Variants in ATRN observed in about 807,000 individuals in gnomAD.
ATRN encodes attractin.
ATRN carries 54 observed loss-of-function variants against 178.7 expected under a neutral mutation model. That is an observed-to-expected ratio of 0.30 (90% CI 0.24 to 0.38). The LOEUF is 0.38. Ranked by LOEUF, ATRN falls within the 10% of genes least tolerant of loss-of-function variation. The probability of loss-of-function intolerance (pLI) is 1.00; values close to 1 mark genes in which losing one functional copy is unlikely to be tolerated. For missense variants in ATRN, 1,443 were observed against 1,815.1 expected, an observed-to-expected ratio of 0.79 and a Z score of 3.73; for synonymous variants, 636 against 663.0, an observed-to-expected ratio of 0.96 and a Z score of 0.63.
chr20:3,543,356 A>G (rs1376927427), intron 3 of ATRN, among the ~76,000 whole-genome samples: 1 of 152,242 alleles, frequency 6.6e-6, no homozygotes, highest in Non-Finnish European at 1.5e-5. Flanking sequence ...AATACATAGT[A>G]GAAAATGCAT....
chr20:3,563,214 T>C lies in ATRN; in HGVS notation c.1637T>C (p.Ile546Thr). Reference protein sequence around the residue: ...RYDVDTQMWTILKDSRFFRYL... With the variant: ...RYDVDTQMWTTLKDSRFFRYL... ...TTTCTAAATAAACTCAAAAGGACCA[T>C]TCTTAAGGACAGCCGATTTTTCCGT... Residue 546 changes from isoleucine (I) to threonine (T), a missense_variant, in exon 10 of 29, where the codon ATT (isoleucine) becomes ACT (threonine). Physicochemically the swap from Ile to Thr is moderately conservative, Grantham distance 89. Around this residue, in one of 4 missense-constraint regions of ATRN, gnomAD observed 862 missense variants for 972.1 expected, o/e 0.89. Transcript: ENST00000262919. The C allele has an allele frequency of 6.2e-7, 1 of 1,611,466 alleles. No homozygotes were observed. Among genetic ancestry groups the C allele is most frequent in the South Asian group, 1.1e-5 (1 of 90,508 alleles).
chr20:3,499,882 T>C lies in ATRN; in HGVS notation c.410+28365T>C, dbSNP rs932420523. On this transcript the variant is annotated intron_variant, in intron 1 of 28. Coordinates refer to ENST00000262919, the MANE Select transcript of ATRN (RefSeq NM_139321.3). ...TTCTGCACAGCAAAAGAAACTACCA[T>C]CAGAGTGAACAGGCAACCTACAAAA... 6.7e-5 allele frequency among the ~76,000 whole-genome samples: 10 copies of C among 148,400 alleles called. No individual in the cohort carries two copies. The South Asian group carries it at 1.7e-3, about 26-fold the overall frequency.
intron 13 of ATRN, 113 bp from the exon 14 acceptor site, chr20:3,576,746 T>G: frequency 2.1e-6 from 2 of 941,236 alleles, no homozygotes; most frequent in Non-Finnish European, 3.3e-6. Flanking sequence ...TCTATCTATT[T>G]ATTTGCAGTT....
rs2086243514 is a variant in ATRN at position 3,578,718 on chromosome 20, G to T, written c.2490G>T (p.Lys830Asn). The change falls in exon 15 of 29, where the codon AAG (lysine) becomes AAT (asparagine). Residue 830 changes from lysine to asparagine, a missense_variant. Lys to Asn is a moderately conservative substitution (Grantham distance 94). This residue lies in a region of ATRN where 212 missense variants were observed against 330.7 expected (regional missense o/e 0.64). Transcript: ENST00000262919. ...TTTTGGCTTCTCTTACAACCCAGAAGAAGGTAGAATTTGTCCTTAAGCAGC... is the reference window on the plus strand; with the variant it reads ...TTTTGGCTTCTCTTACAACCCAGAATAAGGTAGAATTTGTCCTTAAGCAGC... ...NALLASLTTQ[K>N]KVEFVLKQLR... is the part of the protein sequence containing the mutation. 6.2e-7 allele frequency: 1 copy of T among 1,614,124 alleles called. No homozygotes were observed. Among genetic ancestry groups the T allele is most frequent in the Non-Finnish European group, 8.5e-7 (1 of 1,179,988 alleles).
rs2146239683 is a variant in ATRN at position 3,571,230 on chromosome 20, A to T, written c.1872-1501A>T. On this transcript the variant is annotated intron_variant, in intron 11 of 28. Transcript: ENST00000262919. ...ACCCATTTATGCCTAGTGTTCCATT[A>T]TTGGAACGCTAAGCTTGTGGGAGTT... is the stretch of plus-strand genomic sequence containing the variant. Among the ~76,000 whole-genome samples, 5 of 152,266 alleles carry T rather than the reference A, an allele frequency of 3.3e-5. No individual in the cohort carries two copies. The Middle Eastern group carries it at 0.014, about 414-fold the overall frequency.
intron 1 of ATRN, among the ~76,000 whole-genome samples, chr20:3,511,438 G>T (rs1026284644): frequency 6.7e-6 from 1 of 148,224 alleles, no homozygotes; most frequent in Non-Finnish European, 1.5e-5. Flanking sequence ...TTTTTAGTAG[G>T]TTTTTTTTTT....
At chr20:3,512,068 A>C (rs1406709620) in intron 1 of ATRN, among the ~76,000 whole-genome samples, 8 of 119,998 alleles carry the variant, frequency 6.7e-5, no homozygotes, top group Non-Finnish European at 1.4e-4. Flanking sequence ...GCACTGGGTT[A>C]TGTGTTCTTT....
rs1011213501 is a variant in ATRN at position 3,585,524 on chromosome 20, C to G, written c.3184+644C>G. ...TGTCTACTAAACTGGATCAAATTTT[C>G]CGTGTTCCCTTTTTTCCATACTAAG... On this transcript the variant is annotated intron_variant, in intron 18 of 28. Transcript: ENST00000262919. Among the ~76,000 whole-genome samples the G allele has an allele frequency of 2.6e-5, 4 of 152,302 alleles. No individual in the cohort carries two copies. In the South Asian group the frequency reaches 8.3e-4, roughly 32 times the overall value.
At chr20:3,512,414 A>C (rs1029353352) in intron 1 of ATRN, among the ~76,000 whole-genome samples, 6 of 151,974 alleles carry the variant, frequency 3.9e-5, no homozygotes, top group Non-Finnish European at 8.8e-5. Context: ...AGCTTCATCC[A>C]TGTCCCTACA....
chr20:3,644,784 CACA>C (rs2087095464), intron 28 of ATRN, among the ~76,000 whole-genome samples: 1 of 152,216 alleles, frequency 6.6e-6, no homozygotes, highest in Non-Finnish European at 1.5e-5. Flanking sequence ...AAGGCACAAA[CACA>C]ACGATAACAT....
chr20:3,498,587 G>T (rs555318890), intron 1 of ATRN, among the ~76,000 whole-genome samples: 1 of 152,230 alleles, frequency 6.6e-6, no homozygotes, highest in African/African-American at 2.4e-5. Context: ...AAAACCACAT[G>T]ATTATCTCAA....
intron 25 of ATRN, among the ~76,000 whole-genome samples, chr20:3,631,571 C>T (rs35930251): frequency 0.12 from 18,966 of 152,106 alleles, 1,474 homozygotes; most frequent in Non-Finnish European, 0.17. Flanking sequence ...TCTGTAGCTT[C>T]TTGTAGCTGG....
At chr20:3,582,981 G>GCCT (rs1213768072) in intron 16 of ATRN, among the ~76,000 whole-genome samples, 1 of 152,144 alleles carries the variant, frequency 6.6e-6, no homozygotes, top group East Asian at 1.9e-4. Flanking sequence ...CTCAAAATAA[G>GCCT]CCTCCTCCTC....
intron 1 of ATRN, among the ~76,000 whole-genome samples, chr20:3,523,314 CAG>C (rs1399661098): frequency 6.6e-6 from 1 of 151,580 alleles, no homozygotes; most frequent in African/African-American, 2.4e-5. Context: ...GAAAGCATAT[CAG>C]AGATTGAAGA....
intron 10 of ATRN, among the ~76,000 whole-genome samples, chr20:3,563,799 C>A (rs1481475992): frequency 6.6e-6 from 1 of 152,192 alleles, no homozygotes; most frequent in Non-Finnish European, 1.5e-5. Context: ...AAAGCAAATG[C>A]ATACCGGATG....
chr20:3,594,020 A>G (rs1268731729), intron 19 of ATRN, among the ~76,000 whole-genome samples: 1 of 152,116 alleles, frequency 6.6e-6, no homozygotes, highest in African/African-American at 2.4e-5. Flanking sequence ...GGTGATTCCA[A>G]ATGTGACCAT....
chr20:3,526,725 A>C (rs2085370533), intron 1 of ATRN, among the ~76,000 whole-genome samples: 1 of 151,860 alleles, frequency 6.6e-6, no homozygotes, highest in Non-Finnish European at 1.5e-5. Flanking sequence ...ATGATACCAA[A>C]ACAGATATAT....
intron 6 of ATRN, among the ~76,000 whole-genome samples, chr20:3,555,709 C>T (rs1297938177): frequency 1.3e-5 from 2 of 152,142 alleles, no homozygotes; most frequent in Non-Finnish European, 2.9e-5. Context: ...GATAGAAATT[C>T]GATAAACTTG....
At chr20:3,540,175 A>C (rs2085597744) in intron 2 of ATRN, 47 bp from the exon 3 acceptor site, 5 of 1,084,226 alleles carry the variant, frequency 4.6e-6, no homozygotes, top group Non-Finnish European at 6.8e-6. Flanking sequence ...CAAATGTCTG[A>C]TAGTTGTGAT....
Sources: gnomAD v4.1 joint callset for allele counts (sites outside exome capture counted in the v4.1 genomes callset) on GRCh38, gnomAD v4.1.1 for gene constraint, gnomAD v4.1.1 regional missense constraint, MANE v1.5 for transcripts, NCBI Gene and HGNC (gene_info 2026-07-23, HGNC 2026-07-21) for gene names.